CCNF: variants seen among roughly 807,000 people sequenced by gnomAD.
CCNF encodes the protein cyclin-F.
Under a neutral mutation model 85.4 loss-of-function variants are expected in CCNF, and 30 were observed. The ratio of observed to expected loss-of-function variants is 0.35; its 90% CI spans 0.26 to 0.48. The LOEUF (loss-of-function observed/expected upper bound fraction) is 0.48, where lower values mean the gene tolerates loss of function less well. CCNF is among the 20% of genes least tolerant of loss of function. CCNF has a pLI of 0.99. For missense variants in CCNF, 919 were observed against 1,010.4 expected, an observed-to-expected ratio of 0.91 and a Z score of 1.23; for synonymous variants, 439 against 425.1, an observed-to-expected ratio of 1.03 and a Z score of -0.40.
At chr16:2,430,886 T>C in intron 1 of CCNF, 3 of 671,234 alleles carry the variant, frequency 4.5e-6, no homozygotes, top group South Asian at 4.3e-5. Flanking sequence ...TGACATGCGC[T>C]ATTTGCCATA....
chr16:2,450,824 C>A (rs12932533), intron 13 of CCNF, among the ~76,000 whole-genome samples: 1 of 151,766 alleles, frequency 6.6e-6, no homozygotes, highest in Non-Finnish European at 1.5e-5. Context: ...GTGCAGCGGA[C>A]ACCACGTGGC....
At chr16:2,432,288 T>C (rs914802074) in intron 2 of CCNF, among the ~76,000 whole-genome samples, 2 of 152,178 alleles carry the variant, frequency 1.3e-5, no homozygotes, top group African/African-American at 4.8e-5. Context: ...ATAGGCTTAC[T>C]TTGAGTGACT....
At chr16:2,446,303 T>C (rs2065362092) in intron 10 of CCNF, among the ~76,000 whole-genome samples, 1 of 152,248 alleles carries the variant, frequency 6.6e-6, no homozygotes, top group Non-Finnish European at 1.5e-5. Context: ...TTGGCTGCCC[T>C]TCTCTGAAGT....
intron 13 of CCNF, among the ~76,000 whole-genome samples, chr16:2,450,129 C>T (rs575502206): frequency 6.6e-6 from 1 of 151,596 alleles, no homozygotes; most frequent in Non-Finnish European, 1.5e-5. Context: ...ATCGCTTGAA[C>T]CCAGGAAGCA....
Position 2,437,230 on chromosome 16 carries a change from T to C in CCNF, c.448T>C (p.Trp150Arg). The C allele has an allele frequency of 1.2e-6, 2 of 1,612,978 alleles. No homozygotes were observed. Among genetic ancestry groups the C allele is most frequent in the Non-Finnish European group, 1.7e-6 (2 of 1,179,620 alleles). ...RLNVGAAPFI[W>R]LFIRPPWSVS... ...GAATGTGGGTGCCGCACCTTTCATC[T>C]GGCTCTTCATCCGCCCTCCGTGGTC... Residue 150 changes from tryptophan to arginine, a missense_variant, in exon 5 of 17, where the codon TGG (tryptophan) becomes CGG (arginine). Transcript: ENST00000397066.
At position 2,451,902 on chromosome 16, in the gene CCNF, C is replaced by T. The variant is rs543847593; in HGVS notation, c.1488-1308C>T. Among the ~76,000 whole-genome samples the T allele has an allele frequency of 7.2e-5, 11 of 152,310 alleles. No homozygotes were observed. The South Asian group carries it at 2.3e-3, about 32-fold the overall frequency. Reference sequence around the variant, plus strand: ...TTCACCACTTCCAGAATTCAGGCCACATCTCAACCTTGACCTGCCACCCCC... The same window carrying T: ...TTCACCACTTCCAGAATTCAGGCCATATCTCAACCTTGACCTGCCACCCCC... On this transcript the variant is annotated intron_variant, in intron 13 of 16. Transcript: ENST00000397066. This position sits in a 1 kb window ranked among gnomAD's most constrained non-coding sequence, Gnocchi z 4.3.
At chr16:2,454,522 C>T (rs941946246) in intron 15 of CCNF, among the ~76,000 whole-genome samples, 10 of 152,350 alleles carry the variant, frequency 6.6e-5, no homozygotes, top group South Asian at 6.2e-4. Context: ...GAGACAGACC[C>T]CCACGGGTGA....
chr16:2,445,281 C>G, intron 9 of CCNF, 177 bp from the exon 10 acceptor site: 1 of 668,460 alleles, frequency 1.5e-6, no homozygotes, highest in Admixed American at 2.6e-5. Flanking sequence ...GGGCTGGGAC[C>G]CACGGAGCCT....
Position 2,451,954 on chromosome 16 carries a change from T to C in CCNF, c.1488-1256T>C, listed in dbSNP as rs2065397672. On this transcript the variant is annotated intron_variant, in intron 13 of 16. Transcript: ENST00000397066. The surrounding 1 kb of genome is among the most constrained non-coding windows in gnomAD (Gnocchi z 4.3). ...TGCCAGCGTGACTCAGCCAACGGCC[T>C]GTTGCCTGTTCTGGCCCTGGTGGGT... Among the ~76,000 whole-genome samples, 1 of 152,230 alleles carries C rather than the reference T, an allele frequency of 6.6e-6. No individual in the cohort carries two copies. The highest frequency in any genetic ancestry group is 1.5e-5 in the Non-Finnish European group (1 of 68,050).
intron 3 of CCNF, among the ~76,000 whole-genome samples, chr16:2,434,370 T>G (rs926838887): frequency 6.6e-6 from 1 of 152,162 alleles, no homozygotes; most frequent in African/African-American, 2.4e-5. Flanking sequence ...ATCCCAGCAC[T>G]TTGGGAGACC....
Position 2,449,915 on chromosome 16 carries a change from G to A in CCNF, c.1487G>A (p.Cys496Tyr). Residue 496 changes from cysteine (C) to tyrosine (Y), a missense_variant and splice_region_variant, in exon 13 of 17, where the codon TGC becomes TAC. Physicochemically the swap from Cys to Tyr is radical, Grantham distance 194. Around this residue, in one of 3 missense-constraint regions of CCNF, gnomAD observed 505 missense variants for 514.8 expected, o/e 0.98. Coordinates refer to ENST00000397066, the MANE Select transcript of CCNF (RefSeq NM_001761.3). ...TGCGTCTTGAGCCTCCATAAGAAGT[G>A]GTGAGTTTTGGCCGGGCGCAGAGGC... Reference protein sequence around the residue: ...IPCVLSLHKKCFHDDAPKDYR... With the variant: ...IPCVLSLHKKYFHDDAPKDYR... The A allele has an allele frequency of 6.2e-7, 1 of 1,611,024 alleles. No individual in the cohort carries two copies. Among genetic ancestry groups the A allele is most frequent in the Non-Finnish European group, 8.5e-7 (1 of 1,177,424 alleles).
At chr16:2,437,769 C>T in intron 5 of CCNF, 1 of 389,330 alleles carries the variant, frequency 2.6e-6, no homozygotes, top group East Asian at 4.6e-5. Context: ...GGTGGTGGTG[C>T]ATACCTATAG....
intron 9 of CCNF, 66 bp downstream of exon 9, chr16:2,443,866 C>T (rs2065346243): frequency 2.0e-6 from 3 of 1,490,646 alleles, no homozygotes; most frequent in South Asian, 2.3e-5. Flanking sequence ...GGGAAGGGAG[C>T]CCTTTCCACT....
At chr16:2,437,563 G>GGGCTGA (rs1399239018) in intron 5 of CCNF, 1 of 464,780 alleles carries the variant, frequency 2.2e-6, no homozygotes, top group Non-Finnish European at 3.8e-6. Context: ...TGGAAACATG[G>GGGCTGA]GGCTGAGGCT....
intron 10 of CCNF, among the ~76,000 whole-genome samples, chr16:2,446,769 G>C (rs1292432092): frequency 6.6e-6 from 1 of 152,214 alleles, no homozygotes; most frequent in African/African-American, 2.4e-5. Context: ...TGAGGAAGCA[G>C]AGGAGCCCCA....
At position 2,445,250 on chromosome 16, in the gene CCNF, A is replaced by C; in HGVS notation, c.930-208A>C. The C allele has an allele frequency of 3.4e-6, 2 of 580,190 alleles. 1 individual carries two copies. Among genetic ancestry groups the C allele is most frequent in the South Asian group, 4.1e-5 (2 of 49,274 alleles). The allele number at this position is 580,190 out of a possible 1,614,324, so 35.9% of individuals were successfully genotyped here. A position where few individuals can be genotyped will look rare whatever the true frequency, so the allele number is the denominator to read the frequency against. ...TTTGGGAGCACCAGGAACACAGTCGAAGGATGTGGGGCCTGCTTTGGGGCT... is the reference window on the plus strand; with the variant it reads ...TTTGGGAGCACCAGGAACACAGTCGCAGGATGTGGGGCCTGCTTTGGGGCT... On this transcript the variant is annotated intron_variant, in intron 9 of 16. Transcript: ENST00000397066.
Position 2,437,755 on chromosome 16 carries a change from CA to C in CCNF, c.541-314del, listed in dbSNP as rs2065299136. On this transcript the variant is annotated intron_variant, in intron 5 of 16. Transcript: ENST00000397066. The stretch of plus-strand genomic sequence containing the variant: ...CTACAAAAAATACAAAAAAGTTAGC[CA>C]GGGGTGGTGGTGCATACCTATAGTC... 1.1e-5 allele frequency: 4 copies of C among 353,834 alleles called. No homozygotes were observed. In the South Asian group the frequency reaches 1.8e-4, roughly 16 times the overall value. 21.9% of individuals were successfully genotyped at this position (353,834 alleles called of 1,614,324 possible). A position where few individuals can be genotyped will look rare whatever the true frequency, so the allele number is the denominator to read the frequency against.
rs772780796 is a variant in CCNF at position 2,439,799 on chromosome 16, C to T, written c.750C>T (p.Tyr250=). The change falls in exon 8 of 17, where the codon TAC becomes TAT. Residue 250 remains tyrosine (Y), a synonymous_variant. Transcript: ENST00000397066. The part of the protein sequence containing the change: ...CLHSFRKLRD[Y]AAKGCWEAQL... ...ACAGCTTCCGAAAACTCAGGGACTA[C>T]GCTGCCAAAGGCTGCTGGGAAGCGC... The T allele has an allele frequency of 2.5e-5, 41 of 1,614,094 alleles. 1 individual carries two copies. The highest frequency in any genetic ancestry group is 6.6e-5 in the South Asian group (6 of 91,078).
At chr16:2,437,900 C>CT (rs1337240654) in intron 5 of CCNF, 170 bp from the exon 6 acceptor site, 11 of 480,290 alleles carry the variant, frequency 2.3e-5, no homozygotes, top group East Asian at 6.8e-5. Context: ...CCCTGTTTCC[C>CT]TTTAAAAAAA....
Sources: gnomAD v4.1 joint callset for allele counts (sites outside exome capture counted in the v4.1 genomes callset) on GRCh38, gnomAD v4.1.1 for gene constraint, gnomAD v4.1.1 regional missense constraint, Gnocchi (gnomAD v3.1) non-coding constraint, MANE v1.5 for transcripts, NCBI Gene and HGNC (gene_info 2026-07-23, HGNC 2026-07-21) for gene names.